The following CAMTA1 variants were observed in gnomAD, a reference collection of about 807,000 sequenced individuals.
CAMTA1 encodes the protein calmodulin binding transcription activator 1.
CAMTA1 carries 27 observed loss-of-function variants against 170.9 expected under a neutral mutation model. The ratio of observed to expected loss-of-function variants is 0.16; its 90% CI spans 0.12 to 0.22. CAMTA1 has a LOEUF of 0.22. Among genes scored for constraint, CAMTA1 ranks in the 10% least tolerant of loss-of-function variants. CAMTA1 has a pLI of 1.00. For synonymous variants in CAMTA1, 833 were observed against 891.5 expected (o/e 0.93, Z 1.17); for missense variants, 1,619 against 2,217.2 (o/e 0.73, Z 5.42).
At chr1:6,946,623 G>C (rs535367068) in intron 3 of CAMTA1, among the ~76,000 whole-genome samples, 2 of 152,256 alleles carry the variant, frequency 1.3e-5, no homozygotes, top group African/African-American at 4.8e-5. Flanking sequence ...CTTCTTTGGG[G>C]AAATGTCTGT....
intron 4 of CAMTA1, among the ~76,000 whole-genome samples, chr1:7,218,409 T>TAGTTCA (rs1339172213): frequency 3.9e-5 from 6 of 152,218 alleles, no homozygotes. Context: ...GTGTGATTTT[T>TAGTTCA]AGTTCAAGAG....
chr1:7,763,988 T>C (rs547981133), intron 22 of CAMTA1, among the ~76,000 whole-genome samples: 1 of 152,312 alleles, frequency 6.6e-6, no homozygotes, highest in South Asian at 2.1e-4. Context: ...AGTACAGATA[T>C]TGCATGTCCA....
intron 6 of CAMTA1, among the ~76,000 whole-genome samples, chr1:7,572,334 T>C (rs1041442239): frequency 6.6e-6 from 1 of 152,256 alleles, no homozygotes; most frequent in Non-Finnish European, 1.5e-5. Flanking sequence ...GCAGAAGCTC[T>C]TTAGTTTAAT....
chr1:7,651,530 A>G (rs1350364976), intron 7 of CAMTA1, among the ~76,000 whole-genome samples: 1 of 152,216 alleles, frequency 6.6e-6, no homozygotes, highest in African/African-American at 2.4e-5. Context: ...AGACTTCTGG[A>G]GTTCTCTCTG....
rs116127332 is a variant in CAMTA1 at position 7,139,501 on chromosome 1, A to C, written c.302+48130A>C. The stretch of plus-strand genomic sequence containing the variant: ...CCTTTTTCCAGGGGCATGTTTGCTT[A>C]TTAAGCTCGCAGTTTAAGAGCCCCT... On this transcript the variant is annotated intron_variant, in intron 4 of 22. Transcript: ENST00000303635. Among the ~76,000 whole-genome samples, 959 of 151,746 alleles carry C rather than the reference A, an allele frequency of 6.3e-3. 11 individuals are homozygous for C. Among genetic ancestry groups the C allele is most frequent in the African/African-American group, 0.022 (909 of 41,366 alleles).
At chr1:6,977,022 C>G (rs1693560037) in intron 3 of CAMTA1, among the ~76,000 whole-genome samples, 1 of 152,210 alleles carries the variant, frequency 6.6e-6, no homozygotes, top group African/African-American at 2.4e-5. Flanking sequence ...GTGAGGCCTC[C>G]CTAGCCATGT....
intron 5 of CAMTA1, among the ~76,000 whole-genome samples, chr1:7,314,870 C>A (rs1389310783): frequency 2.6e-5 from 4 of 152,148 alleles, no homozygotes; most frequent in Admixed American, 6.5e-5. Context: ...GCAGAAACAG[C>A]CTCTGACCAC....
intron 6 of CAMTA1, among the ~76,000 whole-genome samples, chr1:7,599,850 T>G (rs2095426842): frequency 6.6e-6 from 1 of 152,212 alleles, no homozygotes; most frequent in Non-Finnish European, 1.5e-5. Context: ...GCTGAGACAA[T>G]GGGGTTTTCT....
intron 6 of CAMTA1, among the ~76,000 whole-genome samples, chr1:7,491,424 C>A (rs2093701182): frequency 6.6e-6 from 1 of 152,240 alleles, no homozygotes; most frequent in African/African-American, 2.4e-5. Flanking sequence ...CTGAATCCCC[C>A]CGCCCATGTT....
At chr1:7,475,923 A>G (rs955695999) in intron 6 of CAMTA1, among the ~76,000 whole-genome samples, 1 of 152,194 alleles carries the variant, frequency 6.6e-6, no homozygotes, top group Non-Finnish European at 1.5e-5. Flanking sequence ...AGGTGCACAC[A>G]TGTGCAGTGA....
chr1:6,940,759 G>A (rs1686307387), intron 3 of CAMTA1, among the ~76,000 whole-genome samples: 1 of 151,970 alleles, frequency 6.6e-6, no homozygotes, highest in South Asian at 2.1e-4. Context: ...CGGAGTTGAG[G>A]GAGGCCAGAG....
intron 6 of CAMTA1, among the ~76,000 whole-genome samples, chr1:7,613,416 C>G (rs1158306917): frequency 6.6e-6 from 1 of 152,068 alleles, no homozygotes; most frequent in African/African-American, 2.4e-5. Context: ...CCAGCCTGGC[C>G]TGGGTGGTCC....
At chr1:7,705,115 G>A (rs2096497467) in intron 11 of CAMTA1, among the ~76,000 whole-genome samples, 3 of 151,688 alleles carry the variant, frequency 2.0e-5, no homozygotes, top group Admixed American at 2.0e-4. Flanking sequence ...GGCAGGGAGG[G>A]GCCACGAGGG....
chr1:6,878,674 A>G (rs572665407), intron 3 of CAMTA1, among the ~76,000 whole-genome samples: 4 of 152,318 alleles, frequency 2.6e-5, no homozygotes, highest in Admixed American at 6.5e-5. Context: ...CGCTCCCCCA[A>G]GGATCCCCAG....
In CAMTA1 at chr1:6,970,163, A is replaced by G. The variant is rs186815325; in HGVS notation, c.235-121141A>G. 9.2e-5 allele frequency among the ~76,000 whole-genome samples: 14 copies of G among 152,348 alleles called. No individual in the cohort carries two copies. Among genetic ancestry groups the G allele is most frequent in the African/African-American group, 2.4e-4 (10 of 41,576 alleles). The stretch of plus-strand genomic sequence containing the variant: ...AAATGTATTTTTGTTATAAAATTAT[A>G]TAATAATCTTCCAGAAATTGAGGGA... On this transcript the variant is annotated intron_variant, in intron 3 of 22. Coordinates refer to ENST00000303635, the MANE Select transcript of CAMTA1 (RefSeq NM_015215.4). This position sits in a 1 kb window ranked among gnomAD's most constrained non-coding sequence, Gnocchi z 4.4.
intron 6 of CAMTA1, among the ~76,000 whole-genome samples, chr1:7,590,550 A>T (rs1284687837): frequency 6.6e-6 from 1 of 152,236 alleles, no homozygotes; most frequent in Admixed American, 6.5e-5. Flanking sequence ...AGGGTGGTTC[A>T]TGAGGGCTAC....
chr1:6,818,791 C>A (rs1209360851), intron 1 of CAMTA1, among the ~76,000 whole-genome samples: 1 of 152,052 alleles, frequency 6.6e-6, no homozygotes, highest in African/African-American at 2.4e-5. Context: ...AGGTGTGTTG[C>A]CACCATGCCT....
chr1:7,593,789 C>T (rs1257194729), intron 6 of CAMTA1, among the ~76,000 whole-genome samples: 2 of 150,182 alleles, frequency 1.3e-5, no homozygotes, highest in Non-Finnish European at 3.0e-5. Flanking sequence ...CTGTACCTGG[C>T]CCCTAACACT....
chr1:7,602,914 C>T (rs951818721), intron 6 of CAMTA1, among the ~76,000 whole-genome samples: 11 of 152,062 alleles, frequency 7.2e-5, no homozygotes, highest in Non-Finnish European at 1.5e-5. Context: ...CATTATGTAC[C>T]CAGTAGTCAT....
Sources: allele counts gnomAD v4.1 joint callset (sites outside exome capture counted in the v4.1 genomes callset), GRCh38; gene constraint gnomAD v4.1.1; non-coding constraint Gnocchi (gnomAD v3.1); transcripts MANE v1.5; gene names NCBI Gene and HGNC (gene_info 2026-07-23, HGNC 2026-07-21).